CHST15: variants seen among roughly 807,000 people sequenced by gnomAD.
The protein encoded by CHST15 is carbohydrate sulfotransferase 15, also known as B cell RAG associated protein (GALNAC4S-6ST).
Under a neutral mutation model 53.6 loss-of-function variants are expected in CHST15, and 30 were observed. The observed-to-expected ratio is 0.56, with a 90% CI of 0.42 to 0.76. The LOEUF is 0.76. CHST15 is among the 30% of genes least tolerant of loss of function. The probability of loss-of-function intolerance (pLI) is 0.00; values close to 1 mark genes in which losing one functional copy is unlikely to be tolerated. For missense variants in CHST15, 627 were observed against 740.5 expected, an observed-to-expected ratio of 0.85 and a Z score of 1.78; for synonymous variants, 296 against 289.8, an observed-to-expected ratio of 1.02 and a Z score of -0.22.
intron 1 of CHST15, among the ~76,000 whole-genome samples, chr10:124,070,904 C>G (rs1948892018): frequency 6.6e-6 from 1 of 152,242 alleles, no homozygotes; most frequent in African/African-American, 2.4e-5. Context: ...CTGCCACAGA[C>G]TCCGTAGGCT....
At chr10:124,048,613 A>G (rs988280859) in intron 1 of CHST15, among the ~76,000 whole-genome samples, 2 of 152,238 alleles carry the variant, frequency 1.3e-5, no homozygotes, top group Admixed American at 1.3e-4. Flanking sequence ...AAAGGGCAAG[A>G]TCCCCTACTT....
At chr10:124,020,844 A>T (rs4072197) in intron 6 of CHST15, 28 of 1,229,884 alleles carry the variant, frequency 2.3e-5, no homozygotes, top group African/African-American at 6.2e-5. Context: ...ACTCTGTCAA[A>T]GAAGCATTGA....
intron 1 of CHST15, among the ~76,000 whole-genome samples, chr10:124,063,370 T>C (rs28416880): frequency 0.29 from 44,475 of 151,590 alleles, 6,770 homozygotes; most frequent in South Asian, 0.42. Flanking sequence ...GGGGACAGAG[T>C]GACACTCCGT....
chr10:124,049,035 G>A (rs1379781551), intron 1 of CHST15, among the ~76,000 whole-genome samples: 1 of 152,170 alleles, frequency 6.6e-6, no homozygotes, highest in East Asian at 1.9e-4. Flanking sequence ...TAAACAGAAA[G>A]ACCTGAGGAG....
chr10:124,064,331 AAG>A (rs1288442017), intron 1 of CHST15, among the ~76,000 whole-genome samples: 3 of 152,258 alleles, frequency 2.0e-5, no homozygotes, highest in African/African-American at 7.2e-5. Flanking sequence ...ATTTCAGATT[AAG>A]TAAGAATTTC....
intron 1 of CHST15, among the ~76,000 whole-genome samples, chr10:124,059,037 C>G (rs1948474185): frequency 6.6e-6 from 1 of 152,150 alleles, no homozygotes; most frequent in Non-Finnish European, 1.5e-5. Context: ...GAATACAGGA[C>G]AGCGAGCTGG....
chr10:124,008,737 C>T lies in CHST15; in HGVS notation c.*1412G>A, dbSNP rs1293149678. The T allele has an allele frequency of 4.4e-5, 51 of 1,147,642 alleles. No homozygotes were observed. The highest frequency in any genetic ancestry group is 5.4e-5 in the Non-Finnish European group (49 of 915,634). 71.1% of individuals were successfully genotyped at this position (1,147,642 alleles called of 1,614,324 possible). ...GCTTGCACTTTCTGGCTTTGGTGGG[C>T]GAGACCTTGGCCTGAGAACTTTGGT... is the stretch of plus-strand genomic sequence containing the variant. On this transcript the variant is annotated 3_prime_UTR_variant, in exon 8 of 8. Transcript: ENST00000435907.
intron 3 of CHST15, among the ~76,000 whole-genome samples, chr10:124,044,209 G>GGCACAGAGCTGGGA (rs1947867342): frequency 6.6e-6 from 1 of 150,604 alleles, no homozygotes; most frequent in African/African-American, 2.4e-5. Flanking sequence ...AGCTGGGAGC[G>GGCACAGAGCTGGGA]GCACAGAGCA....
chr10:124,044,847 G>A lies in CHST15; in HGVS notation c.619C>T (p.Gln207Ter). 1 of 1,520,268 alleles carries A rather than the reference G, an allele frequency of 6.6e-7. No homozygotes were observed. The highest frequency in any genetic ancestry group is 8.8e-7 in the Non-Finnish European group (1 of 1,131,512). The allele number at this position is 1,520,268 out of a possible 1,614,324, so 94.2% of individuals were successfully genotyped here. Reference sequence around the variant, plus strand: ...GTGAGGTAGGGGTCGGTGGTGTTCTGCCCCGAGAACTCCTCGTACCAACAG... The same window carrying A: ...GTGAGGTAGGGGTCGGTGGTGTTCTACCCCGAGAACTCCTCGTACCAACAG... ...SPCWYEEFSG[Q>*]NTTDPYLTNS... is the part of the protein sequence containing the mutation. The change falls in exon 3 of 8, where the codon CAG (glutamine) becomes TAG (stop). Residue 207 changes from glutamine to a stop codon, truncating the protein, a stop_gained. Transcript: ENST00000435907. LOFTEE classifies it high-confidence loss of function.
In CHST15 at chr10:124,044,823, T is replaced by A. The variant is rs1947902919; in HGVS notation, c.643A>T (p.Thr215Ser). The part of the protein sequence containing the change: ...SGQNTTDPYL[T>S]NSYVLYSKRF... Reference sequence around the variant, plus strand: ...TTGGAGTAGAGCACGTAGGAGTTGGTGAGGTAGGGGTCGGTGGTGTTCTGC... The same window carrying A: ...TTGGAGTAGAGCACGTAGGAGTTGGAGAGGTAGGGGTCGGTGGTGTTCTGC... The change falls in exon 3 of 8, where the codon ACC (threonine) becomes TCC (serine). Residue 215 changes from threonine to serine, a missense_variant. Physicochemically the swap from Thr to Ser is moderately conservative, Grantham distance 58 (BLOSUM62 1). Coordinates refer to ENST00000435907, the MANE Select transcript of CHST15 (RefSeq NM_001270764.2). The A allele has an allele frequency of 6.3e-7, 1 of 1,582,776 alleles. No homozygotes were observed. Among genetic ancestry groups the A allele is most frequent in the Non-Finnish European group, 8.6e-7 (1 of 1,161,838 alleles).
chr10:124,042,260 G>C, intron 4 of CHST15, 41 bp downstream of exon 4: 1 of 1,578,678 alleles, frequency 6.3e-7, no homozygotes, highest in Non-Finnish European at 8.7e-7. Context: ...CAGGACCCCA[G>C]GGAGGGTGCT....
At chr10:124,083,754 G>A (rs1013055591) in intron 1 of CHST15, among the ~76,000 whole-genome samples, 2 of 152,222 alleles carry the variant, frequency 1.3e-5, no homozygotes, top group African/African-American at 4.8e-5. Context: ...TGTCCTAAAA[G>A]CAGCTATTTC....
At chr10:124,015,113 G>A (rs985315485) in intron 6 of CHST15, among the ~76,000 whole-genome samples, 1 of 152,162 alleles carries the variant, frequency 6.6e-6, no homozygotes, top group African/African-American at 2.4e-5. Flanking sequence ...TTGCCAAGCA[G>A]GGGGAGTGTG....
chr10:124,039,079 G>A (rs986737871), intron 4 of CHST15, among the ~76,000 whole-genome samples: 4 of 152,076 alleles, frequency 2.6e-5, no homozygotes, highest in African/African-American at 4.8e-5. Flanking sequence ...AGAAAAACAC[G>A]CCAAAACATA....
At chr10:124,028,686 A>T (rs567912670) in intron 5 of CHST15, among the ~76,000 whole-genome samples, 113 of 152,182 alleles carry the variant, frequency 7.4e-4, no homozygotes, top group Admixed American at 1.2e-3. Flanking sequence ...ACAAGCTTCA[A>T]TCTCAGCTTC....
At chr10:124,010,646 C>T in intron 7 of CHST15, 1 of 985,462 alleles carries the variant, frequency 1.0e-6, no homozygotes, top group South Asian at 4.7e-5. Flanking sequence ...TCCAATTGCC[C>T]TTGGTGGGCT....
At chr10:124,082,411 G>A (rs1223338881) in intron 1 of CHST15, among the ~76,000 whole-genome samples, 1 of 152,176 alleles carries the variant, frequency 6.6e-6, no homozygotes, top group East Asian at 1.9e-4. Context: ...GGCCTTTCCA[G>A]CTCTAAAATT....
rs1258026521 is a variant in CHST15, at chr10:124,048,602, A to G, written c.-512-1878T>C. Among the ~76,000 whole-genome samples, 2 of 152,218 alleles carry G rather than the reference A, an allele frequency of 1.3e-5. 1 individual carries two copies. The highest frequency in any genetic ancestry group is 2.9e-5 in the Non-Finnish European group (2 of 68,032). ...AACAATTCTTCCAAACTAAAGAAAC[A>G]AAAGGGCAAGATCCCCTACTTGGAA... On this transcript the variant is annotated intron_variant, in intron 1 of 7. Transcript: ENST00000435907.
At chr10:124,082,435 A>T (rs1226487525) in intron 1 of CHST15, among the ~76,000 whole-genome samples, 1 of 152,218 alleles carries the variant, frequency 6.6e-6, no homozygotes, top group Non-Finnish European at 1.5e-5. Flanking sequence ...ACAATTCAGT[A>T]TCTCAGCCAG....
Sources: gnomAD v4.1 joint callset for allele counts (sites outside exome capture counted in the v4.1 genomes callset) on GRCh38, gnomAD v4.1.1 for gene constraint, MANE v1.5 for transcripts, NCBI Gene and HGNC (gene_info 2026-07-23, HGNC 2026-07-21) for gene names.